LRP11: variants seen among roughly 807,000 people sequenced by gnomAD.
LRP11 encodes the protein low-density lipoprotein receptor-related protein 11.
LRP11 carries 25 observed loss-of-function variants against 43.1 expected under a neutral mutation model. That is an observed-to-expected ratio of 0.58 (90% confidence interval 0.42 to 0.81). The LOEUF (loss-of-function observed/expected upper bound fraction) is 0.81. Among genes scored for constraint, LRP11 ranks in the 30% least tolerant of loss-of-function variants. The pLI is 0.00. For missense variants in LRP11, 623 were observed against 665.1 expected (o/e 0.94, Z 0.70); for synonymous variants, 316 against 299.4 (o/e 1.06, Z -0.57).
chr6:149,845,095 G>T (rs1374240898), intron 2 of LRP11, among the ~76,000 whole-genome samples: 1 of 152,304 alleles, frequency 6.6e-6, no homozygotes, highest in African/African-American at 2.4e-5. Flanking sequence ...GCCCTACCCC[G>T]TACCAGCTGG....
Position 149,864,207 on chromosome 6 carries a change from G to A in LRP11, c.-187C>T, listed in dbSNP as rs1422871326. 4 of 1,116,808 alleles carry A rather than the reference G, an allele frequency of 3.6e-6. No homozygotes were observed. The highest frequency in any genetic ancestry group is 5.1e-5 in the East Asian group (1 of 19,458). 69.2% of individuals were successfully genotyped at this position (1,116,808 alleles called of 1,614,324 possible). Reference sequence around the variant, plus strand: ...GTCGCGGGCGCCGGCGGGAACCGCAGTAGCGGGAGACATAGCCGGCCCAGC... The same window carrying A: ...GTCGCGGGCGCCGGCGGGAACCGCAATAGCGGGAGACATAGCCGGCCCAGC... On this transcript the variant is annotated 5_prime_UTR_variant, in exon 1 of 7. Coordinates refer to ENST00000239367, the MANE Select transcript of LRP11 (RefSeq NM_032832.6).
At position 149,864,330 on chromosome 6, in the gene LRP11, G is replaced by A; in HGVS notation, c.-310C>T. 4.9e-6 allele frequency: 5 copies of A among 1,015,846 alleles called. No individual in the cohort carries two copies. Among genetic ancestry groups the A allele is most frequent in the Non-Finnish European group, 5.9e-6 (5 of 850,326 alleles). The allele number at this position is 1,015,846 out of a possible 1,614,324, so 62.9% of individuals were successfully genotyped here. A position where few individuals can be genotyped will look rare whatever the true frequency, so the allele number is the denominator to read the frequency against. ...TGGGTGGCGACGAGTCGGCCTCGGC[G>A]TTGATCAGCACCAGGTGTGTGCGAA... On this transcript the variant is annotated 5_prime_UTR_variant, in exon 1 of 7. The change creates a new upstream start codon in the 5' untranslated region. Transcript: ENST00000239367.
At chr6:149,862,256 T>C (rs1776915791) in intron 1 of LRP11, among the ~76,000 whole-genome samples, 1 of 152,194 alleles carries the variant, frequency 6.6e-6, no homozygotes. Context: ...ATTTCCAGAC[T>C]CTTTCAATGG....
rs183970400 is a variant in LRP11, at chr6:149,856,057, T to G, written c.614-2897A>C. 1.1e-3 allele frequency among the ~76,000 whole-genome samples: 162 copies of G among 152,380 alleles called. 1 individual carries two copies. The highest frequency in any genetic ancestry group is 3.8e-3 in the African/African-American group (157 of 41,596). ...ACAATGGTTTATGACTTTATAATTC[T>G]GGAAAGCATCTTATAACTCAGCAGT... On this transcript the variant is annotated intron_variant, in intron 1 of 6. Transcript: ENST00000239367.
chr6:149,826,247 C>T lies in LRP11; in HGVS notation c.1348+17G>A, dbSNP rs1200783779. 6.3e-7 allele frequency: 1 copy of T among 1,594,276 alleles called. No individual in the cohort carries two copies. Among genetic ancestry groups the T allele is most frequent in the African/African-American group, 1.3e-5 (1 of 74,506 alleles). ...GAAGACTACAGTCTGCAAAGGGTTT[C>T]CAAGGTGGACATTTACCTGTTTCTG... On this transcript the variant is annotated intron_variant, in intron 6 of 6. Transcript: ENST00000239367.
chr6:149,860,879 G>A (rs1000084836), intron 1 of LRP11, among the ~76,000 whole-genome samples: 5 of 152,098 alleles, frequency 3.3e-5, no homozygotes, highest in African/African-American at 1.2e-4. Context: ...GGTTACTTTC[G>A]CTTGCCAAGC....
At chr6:149,853,333 A>C in intron 1 of LRP11, 173 bp from the exon 2 acceptor site, 1 of 600,124 alleles carries the variant, frequency 1.7e-6, no homozygotes, top group Non-Finnish European at 2.7e-6. Flanking sequence ...TAGCTATAAT[A>C]TGCGCAGAAG....
At chr6:149,842,936 T>C (rs764012130) in intron 3 of LRP11, 47 bp downstream of exon 3, 8 of 1,610,038 alleles carry the variant, frequency 5.0e-6, no homozygotes, top group Admixed American at 1.7e-5. Context: ...CAACCCGACA[T>C]TGCCTTCCAC....
chr6:149,841,238 T>C (rs938508177), intron 3 of LRP11, among the ~76,000 whole-genome samples: 1 of 152,324 alleles, frequency 6.6e-6, no homozygotes, highest in South Asian at 2.1e-4. Context: ...TCCAATATAG[T>C]ACAAGTAAAT....
At chr6:149,852,945 T>C in intron 2 of LRP11, 58 bp downstream of exon 2, 2 of 1,467,620 alleles carry the variant, frequency 1.4e-6, no homozygotes, top group South Asian at 1.4e-5. Flanking sequence ...GGCAGGACAT[T>C]ACAAAAGACC....
chr6:149,823,422 A>C (rs1776300825), intron 6 of LRP11, among the ~76,000 whole-genome samples: 1 of 152,206 alleles, frequency 6.6e-6, no homozygotes, highest in South Asian at 2.1e-4. Flanking sequence ...CAGGGGCTTT[A>C]GCCAGATCAG....
chr6:149,853,264 C>T, intron 1 of LRP11, 104 bp from the exon 2 acceptor site: 1 of 831,546 alleles, frequency 1.2e-6, no homozygotes, highest in Non-Finnish European at 1.8e-6. Flanking sequence ...CAAATAACTG[C>T]TAAGAGAATC....
intron 5 of LRP11, among the ~76,000 whole-genome samples, chr6:149,830,561 G>A (rs1330712766): frequency 6.6e-6 from 1 of 152,154 alleles, no homozygotes; most frequent in African/African-American, 2.4e-5. Context: ...GAAGGTTCTG[G>A]ACAAAGCTTT....
At chr6:149,825,167 T>G (rs1776323174) in intron 6 of LRP11, among the ~76,000 whole-genome samples, 1 of 152,240 alleles carries the variant, frequency 6.6e-6, no homozygotes, top group South Asian at 2.1e-4. Flanking sequence ...TTCTCAATGT[T>G]TATAACTTAA....
chr6:149,847,011 T>TAGAAC (rs1425442880), intron 2 of LRP11, among the ~76,000 whole-genome samples: 7 of 148,386 alleles, frequency 4.7e-5, no homozygotes, highest in Non-Finnish European at 8.9e-5. Context: ...TAGAATAGAA[T>TAGAAC]AGAATAAACC....
At position 149,864,116 on chromosome 6, in the gene LRP11, G is replaced by C. The variant is rs966459849; in HGVS notation, c.-96C>G. ...CGCGGGCCCTGGGCCCCTCCTGCGCGGCCGCGGCTGGCTCTAGGCCCCGGC... is the reference window on the plus strand; with the variant it reads ...CGCGGGCCCTGGGCCCCTCCTGCGCCGCCGCGGCTGGCTCTAGGCCCCGGC... On this transcript the variant is annotated 5_prime_UTR_variant, in exon 1 of 7. Coordinates refer to ENST00000239367, the MANE Select transcript of LRP11 (RefSeq NM_032832.6). The C allele has an allele frequency of 4.2e-6, 5 of 1,185,526 alleles. No homozygotes were observed. Among genetic ancestry groups the C allele is most frequent in the Non-Finnish European group, 4.2e-6 (4 of 959,678 alleles). The allele number at this position is 1,185,526 out of a possible 1,614,324, so 73.4% of individuals were successfully genotyped here. A position where few individuals can be genotyped will look rare whatever the true frequency, so the allele number is the denominator to read the frequency against.
Position 149,862,876 on chromosome 6 carries a change from G to A in LRP11, c.613+532C>T, listed in dbSNP as rs1448805354. On this transcript the variant is annotated intron_variant, in intron 1 of 6. Coordinates refer to ENST00000239367, the MANE Select transcript of LRP11 (RefSeq NM_032832.6). ...ATTACAGGCATAAGCCACCACGCCC[G>A]GCCTTAAAGTTTCTTATTTTCAACG... 3.9e-5 allele frequency among the ~76,000 whole-genome samples: 6 copies of A among 152,074 alleles called. No individual in the cohort carries two copies. In the East Asian group the frequency reaches 9.7e-4, roughly 25 times the overall value.
intron 5 of LRP11, among the ~76,000 whole-genome samples, chr6:149,835,654 A>ATC (rs1224734838): frequency 4.6e-5 from 7 of 152,176 alleles, no homozygotes; most frequent in African/African-American, 7.2e-5. Flanking sequence ...TTTTAGTGAT[A>ATC]GATTTAGTTA....
intron 3 of LRP11, among the ~76,000 whole-genome samples, chr6:149,841,833 A>G (rs1583084916): frequency 6.6e-6 from 1 of 151,958 alleles, no homozygotes; most frequent in Non-Finnish European, 1.5e-5. Context: ...AATCACTTGA[A>G]CCCAGGAGGC....
Sources: allele counts gnomAD v4.1 joint callset (sites outside exome capture counted in the v4.1 genomes callset), GRCh38; gene constraint gnomAD v4.1.1; transcripts MANE v1.5; gene names NCBI Gene and HGNC (gene_info 2026-07-23, HGNC 2026-07-21).